The following GLIS3 variants were observed in gnomAD, a reference collection of about 807,000 sequenced individuals.
GLIS3 encodes zinc finger protein GLIS3.
GLIS3 carries 53 observed loss-of-function variants against 78.6 expected under a neutral mutation model. The observed-to-expected ratio is 0.67, with a 90% confidence interval of 0.54 to 0.85. The LOEUF is 0.85. GLIS3 is among the 40% of genes least tolerant of loss of function. GLIS3 has a pLI of 0.00. For synonymous variants in GLIS3, 684 were observed against 509.9 expected, an observed-to-expected ratio of 1.34 and a Z score of -4.60; for missense variants, 1,703 against 1,231.1, an observed-to-expected ratio of 1.38 and a Z score of -5.74.
chr9:3,840,882 T>C (rs4612398), intron 9 of GLIS3, among the ~76,000 whole-genome samples: 79,762 of 151,974 alleles, frequency 0.52, 21,337 homozygotes, highest in East Asian at 0.74. Flanking sequence ...ATCTGGTCTG[T>C]AGCAAGCTGG....
intron 1 of GLIS3, among the ~76,000 whole-genome samples, chr9:4,289,371 A>T (rs1260052610): frequency 2.0e-5 from 3 of 152,194 alleles, no homozygotes; most frequent in Non-Finnish European, 2.9e-5. Flanking sequence ...ACATGGAAGC[A>T]AAAAATAATA....
At chr9:3,877,200 G>A (rs1563803696) in intron 8 of GLIS3, among the ~76,000 whole-genome samples, 3 of 152,222 alleles carry the variant, frequency 2.0e-5, no homozygotes, top group African/African-American at 4.8e-5. Context: ...TGAAAAGTCC[G>A]TGGCTAATAT....
intron 4 of GLIS3, among the ~76,000 whole-genome samples, chr9:4,051,860 G>C (rs1344452983): frequency 1.3e-5 from 2 of 152,062 alleles, no homozygotes; most frequent in African/African-American, 4.8e-5. Context: ...TTTGCCATTT[G>C]TATTTATTTT....
Position 3,827,178 on chromosome 9 carries a change from G to A in GLIS3, c.*1094C>T, listed in dbSNP as rs940955121. The A allele has an allele frequency of 6.6e-6, 1 of 152,216 alleles. No individual in the cohort carries two copies. Among genetic ancestry groups the A allele is most frequent in the Non-Finnish European group, 1.5e-5 (1 of 68,042 alleles). 9.4% of individuals were successfully genotyped at this position (152,216 alleles called of 1,614,324 possible). A position where few individuals can be genotyped will look rare whatever the true frequency, so the allele number is the denominator to read the frequency against. ...ATGCAAAAAGAGGGTGGAGAGAAGT[G>A]TAGGGAAGAGACAGACAGATGAGTG... On this transcript the variant is annotated 3_prime_UTR_variant, in exon 11 of 11. Transcript: ENST00000381971.
At chr9:4,363,828 C>T in the GLIS3 span, among the ~76,000 whole-genome samples, 1 of 152,148 alleles carries the variant, frequency 6.6e-6, no homozygotes, top group African/African-American at 2.4e-5. Context: ...GCTAAATAAT[C>T]CCACAAGAGC....
chr9:4,338,870 T>C (rs75081668), intron 2 of GLIS3, among the ~76,000 whole-genome samples: 7,080 of 152,184 alleles, frequency 0.047, 237 homozygotes, highest in Middle Eastern at 0.078. Flanking sequence ...TGTGCCTGAG[T>C]CTTGGGATTT....
the GLIS3 span, among the ~76,000 whole-genome samples, chr9:4,392,311 A>G: frequency 6.6e-6 from 1 of 152,150 alleles, no homozygotes; most frequent in African/African-American, 2.4e-5. Flanking sequence ...TATCTAGGTG[A>G]CGGGTTGATA....
At chr9:4,004,741 T>G (rs1821404888) in intron 4 of GLIS3, among the ~76,000 whole-genome samples, 1 of 152,214 alleles carries the variant, frequency 6.6e-6, no homozygotes, top group Non-Finnish European at 1.5e-5. Context: ...TAACATTTAC[T>G]GAGAAGATAT....
chr9:3,964,387 G>A (rs755241010), intron 4 of GLIS3, among the ~76,000 whole-genome samples: 1 of 152,058 alleles, frequency 6.6e-6, no homozygotes, highest in Non-Finnish European at 1.5e-5. Flanking sequence ...CATTCTCTTT[G>A]CACTGTATTT....
the GLIS3 span, among the ~76,000 whole-genome samples, chr9:4,436,049 T>A: frequency 2.0e-5 from 3 of 152,256 alleles, no homozygotes; most frequent in East Asian, 1.9e-4. Context: ...CTGTAAATGT[T>A]AATATTTGAA....
At chr9:4,041,054 G>C (rs1246324816) in intron 4 of GLIS3, among the ~76,000 whole-genome samples, 1 of 152,196 alleles carries the variant, frequency 6.6e-6, no homozygotes, top group Admixed American at 6.5e-5. Context: ...TGTGGAGTGA[G>C]TACCATCAAG....
chr9:3,996,039 C>T (rs921089759), intron 4 of GLIS3, among the ~76,000 whole-genome samples: 42 of 151,826 alleles, frequency 2.8e-4, no homozygotes, highest in Non-Finnish European at 7.4e-5. Flanking sequence ...TTAAATGCAG[C>T]CTAAAAGAAA....
intron 2 of GLIS3, among the ~76,000 whole-genome samples, chr9:4,248,300 C>T (rs1824002056): frequency 6.6e-6 from 1 of 152,100 alleles, no homozygotes; most frequent in African/African-American, 2.4e-5. Context: ...CCTGTGTTCT[C>T]ATTGTTCAAC....
In GLIS3 at chr9:3,899,988, A is replaced by T. The variant is rs147796721; in HGVS notation, c.1984-1153T>A. ...AAGATGGCATTTATAAAAAGCTTTG[A>T]AAGAAGTGAGGAATAAGCCGTACAG... On this transcript the variant is annotated intron_variant, in intron 6 of 10. Transcript: ENST00000381971. 2.9e-3 allele frequency among the ~76,000 whole-genome samples: 447 copies of T among 152,264 alleles called. 3 individuals carry two copies. The highest frequency in any genetic ancestry group is 0.01 in the African/African-American group (418 of 41,556).
chr9:4,117,311 G>C (rs1408363621), intron 4 of GLIS3, among the ~76,000 whole-genome samples: 1 of 152,198 alleles, frequency 6.6e-6, no homozygotes, highest in Non-Finnish European at 1.5e-5. Context: ...TTGCTAAGTG[G>C]TGAGTTCCTT....
At chr9:3,956,289 C>G (rs1010573414) in intron 4 of GLIS3, among the ~76,000 whole-genome samples, 26 of 152,066 alleles carry the variant, frequency 1.7e-4, no homozygotes, top group Non-Finnish European at 3.1e-4. Flanking sequence ...GAAAAATAAG[C>G]TAGGGGAACA....
chr9:4,219,603 G>A (rs936216327), intron 2 of GLIS3, among the ~76,000 whole-genome samples: 5 of 151,578 alleles, frequency 3.3e-5, no homozygotes, highest in African/African-American at 1.2e-4. Context: ...CATACCCATA[G>A]TGAACAGAAA....
chr9:4,246,770 T>C (rs182460133), intron 2 of GLIS3, among the ~76,000 whole-genome samples: 7 of 152,114 alleles, frequency 4.6e-5, no homozygotes, highest in Admixed American at 2.6e-4. Flanking sequence ...CTATTTGGAG[T>C]TCTTAAACGG....
chr9:4,468,596 G>C, the GLIS3 span, among the ~76,000 whole-genome samples: 1 of 152,152 alleles, frequency 6.6e-6, no homozygotes, highest in Admixed American at 6.6e-5. Flanking sequence ...GAGAGATTCT[G>C]TCACCACCAG....
Sources: allele counts gnomAD v4.1 joint callset (sites outside exome capture counted in the v4.1 genomes callset), GRCh38; gene constraint gnomAD v4.1.1; transcripts MANE v1.5; gene names NCBI Gene and HGNC (gene_info 2026-07-23, HGNC 2026-07-21).